CDH18: variants seen among roughly 807,000 people sequenced by gnomAD.
CDH18 encodes the protein cadherin 18, also known as cadherin-18.
In CDH18, 31 loss-of-function variants were observed where a neutral mutation model predicts 67.9. The ratio of observed to expected loss-of-function variants is 0.46; its 90% CI spans 0.34 to 0.62. The LOEUF is 0.62. Among genes scored for constraint, CDH18 ranks in the 20% least tolerant of loss-of-function variants. CDH18 has a pLI of 0.01. For synonymous variants in CDH18, 362 were observed against 347.2 expected (o/e 1.04, Z -0.48); for missense variants, 890 against 975.5 (o/e 0.91, Z 1.17).
intron 2 of CDH18, among the ~76,000 whole-genome samples, chr5:19,995,260 C>G (rs946986724): frequency 1.3e-5 from 2 of 151,986 alleles, no homozygotes; most frequent in South Asian, 4.2e-4. Context: ...TAAACCATCA[C>G]GCCTATTTCT....
At chr5:19,608,172 C>T (rs1748368739) in intron 6 of CDH18, among the ~76,000 whole-genome samples, 1 of 151,526 alleles carries the variant, frequency 6.6e-6, no homozygotes, top group Non-Finnish European at 1.5e-5. Flanking sequence ...ATGTAGAATA[C>T]TAAACATGCA....
At chr5:20,012,479 G>T (rs1221517711) in intron 2 of CDH18, among the ~76,000 whole-genome samples, 1 of 149,286 alleles carries the variant, frequency 6.7e-6, no homozygotes, top group Non-Finnish European at 1.5e-5. Context: ...CAATTTTGTT[G>T]AAGCTGAGAG....
chr5:19,946,882 T>G lies in CDH18; in HGVS notation c.-257+34178A>C, dbSNP rs111563868. Among the ~76,000 whole-genome samples the G allele has an allele frequency of 3.1e-3, 471 of 152,254 alleles. 7 individuals are homozygous for G. The highest frequency in any genetic ancestry group is 9.1e-3 in the African/African-American group (378 of 41,562). ...AATTAATTCAGCAACGTATAAAATT[T>G]ACATCGGTCAAGTGGGGTTTATTCA... On this transcript the variant is annotated intron_variant, in intron 2 of 12. Coordinates refer to ENST00000382275, the MANE Select transcript of CDH18 (RefSeq NM_004934.5).
At chr5:20,305,159 G>A in intron 1 of CDH18, 1 of 1,444,968 alleles carries the variant, frequency 6.9e-7, no homozygotes, top group South Asian at 1.1e-5. Flanking sequence ...CTGGTGAAGG[G>A]AGGGGCGCTG....
intron 2 of CDH18, among the ~76,000 whole-genome samples, chr5:20,205,923 A>T (rs1165873650): frequency 5.3e-5 from 8 of 151,924 alleles, no homozygotes; most frequent in Non-Finnish European, 1.5e-5. Context: ...TAAACAAGTG[A>T]CACACATTAA....
intron 5 of CDH18, among the ~76,000 whole-genome samples, chr5:19,688,110 G>T (rs769017507): frequency 6.6e-6 from 1 of 152,072 alleles, no homozygotes; most frequent in Non-Finnish European, 1.5e-5. Flanking sequence ...GGAGCCTAAG[G>T]GTTTTCCCAC....
intron 11 of CDH18, among the ~76,000 whole-genome samples, chr5:19,501,964 G>T (rs1743327140): frequency 6.6e-6 from 1 of 152,172 alleles, no homozygotes; most frequent in Admixed American, 6.6e-5. Flanking sequence ...ATTCCCATAA[G>T]CAGAGCTGAC....
At chr5:20,399,530 G>T (rs114514408) in intron 1 of CDH18, among the ~76,000 whole-genome samples, 1,815 of 152,228 alleles carry the variant, frequency 0.012, 25 homozygotes, top group African/African-American at 0.041. Flanking sequence ...AGAAAAACTT[G>T]AATTCGATAT....
intron 1 of CDH18, among the ~76,000 whole-genome samples, chr5:20,294,383 G>C (rs1248021902): frequency 6.6e-6 from 1 of 152,178 alleles, no homozygotes; most frequent in African/African-American, 2.4e-5. Flanking sequence ...ACCAAGCACT[G>C]TGTGCCACAA....
chr5:19,516,319 T>C (rs1376106497), intron 10 of CDH18, among the ~76,000 whole-genome samples: 2 of 152,174 alleles, frequency 1.3e-5, no homozygotes, highest in Non-Finnish European at 2.9e-5. Context: ...TCTATTTTTG[T>C]TGTGTCTCTG....
At chr5:19,673,311 A>G (rs1759004626) in intron 5 of CDH18, among the ~76,000 whole-genome samples, 1 of 151,998 alleles carries the variant, frequency 6.6e-6, no homozygotes, top group Admixed American at 6.6e-5. Flanking sequence ...AACCATTTAA[A>G]ACAGATAATT....
intron 12 of CDH18, among the ~76,000 whole-genome samples, chr5:19,475,577 GTATTAAGTGTGTCCCA>G (rs1256553208): frequency 6.6e-6 from 1 of 151,322 alleles, no homozygotes; most frequent in African/African-American, 2.4e-5. Context: ...TACACATAAG[GTATTAAGTGTGTCCCA>G]TATAATATTT....
At chr5:19,957,414 G>T (rs371731164) in intron 2 of CDH18, among the ~76,000 whole-genome samples, 1 of 151,390 alleles carries the variant, frequency 6.6e-6, no homozygotes, top group Non-Finnish European at 1.5e-5. Context: ...TCAGCTCTAT[G>T]TGTTATGTAT....
intron 5 of CDH18, among the ~76,000 whole-genome samples, chr5:19,649,052 G>T (rs1755200356): frequency 6.6e-6 from 1 of 151,906 alleles, no homozygotes; most frequent in African/African-American, 2.4e-5. Flanking sequence ...CAGGTAAGGA[G>T]GAAAGAAATC....
chr5:20,476,864 C>A (rs1330536631), intron 1 of CDH18, among the ~76,000 whole-genome samples: 2 of 152,068 alleles, frequency 1.3e-5, no homozygotes, highest in Non-Finnish European at 2.9e-5. Context: ...ACAAGGCAAC[C>A]ATTTTATTCA....
chr5:20,483,772 G>A (rs930490749), intron 1 of CDH18, among the ~76,000 whole-genome samples: 1 of 151,702 alleles, frequency 6.6e-6, no homozygotes, highest in African/African-American at 2.4e-5. Context: ...ATATAGATCA[G>A]TTCAATCAGA....
intron 5 of CDH18, among the ~76,000 whole-genome samples, chr5:19,626,883 G>A (rs1172460443): frequency 2.6e-5 from 4 of 152,096 alleles, no homozygotes; most frequent in Non-Finnish European, 4.4e-5. Flanking sequence ...CAAAAATTTC[G>A]AGAGCTGGCT....
intron 9 of CDH18, among the ~76,000 whole-genome samples, chr5:19,527,461 A>T (rs896998333): frequency 6.0e-5 from 9 of 151,118 alleles, no homozygotes; most frequent in African/African-American, 1.7e-4. Context: ...AAATATCAGT[A>T]AAAAAAATCA....
At chr5:20,423,946 C>CAAAAAAAAAAAAAAAAAAAAA (rs553723574) in intron 1 of CDH18, among the ~76,000 whole-genome samples, 2 of 63,858 alleles carry the variant, frequency 3.1e-5, no homozygotes, top group African/African-American at 1.8e-4. Flanking sequence ...GACTCCGTCT[C>CAAAAAAAAAAAAAAAAAAAAA]AAAAAAAAAA....
Sources: allele counts gnomAD v4.1 joint callset (sites outside exome capture counted in the v4.1 genomes callset), GRCh38; gene constraint gnomAD v4.1.1; transcripts MANE v1.5; gene names NCBI Gene and HGNC (gene_info 2026-07-23, HGNC 2026-07-21).